The following FCHSD2 variants were observed in gnomAD, a reference collection of about 807,000 sequenced individuals.
FCHSD2 encodes the protein FCH and double SH3 domains 2.
Under a neutral mutation model 108.1 loss-of-function variants are expected in FCHSD2, and 38 were observed. That is an observed-to-expected ratio of 0.35 (90% confidence interval 0.27 to 0.46). The LOEUF (loss-of-function observed/expected upper bound fraction) is 0.46. Among genes scored for constraint, FCHSD2 ranks in the 20% least tolerant of loss-of-function variants. The pLI, the probability that FCHSD2 is intolerant of heterozygous loss-of-function variation, is 1.00. For missense variants in FCHSD2, 751 were observed against 897.8 expected, an observed-to-expected ratio of 0.84 and a Z score of 2.09; for synonymous variants, 279 against 314.7, an observed-to-expected ratio of 0.89 and a Z score of 1.20.
chr11:73,061,123 A>G (rs1234444336), intron 3 of FCHSD2, among the ~76,000 whole-genome samples: 1 of 152,194 alleles, frequency 6.6e-6, no homozygotes. Context: ...GGTTCATCTC[A>G]TTGGGACTGG....
chr11:73,096,987 A>ATTTTTTTTTTTGTTTTTTTT (rs1860097694), intron 2 of FCHSD2, among the ~76,000 whole-genome samples: 1 of 27,020 alleles, frequency 3.7e-5, no homozygotes, highest in Non-Finnish European at 5.6e-5. Flanking sequence ...TCATTGATGG[A>ATTTTTTTTTTTGTTTTTTTT]TTTTTTTTTT....
chr11:73,009,342 C>A (rs1857810752), intron 4 of FCHSD2, among the ~76,000 whole-genome samples: 2 of 151,800 alleles, frequency 1.3e-5, no homozygotes, highest in South Asian at 4.2e-4. Flanking sequence ...ACTAAAAATA[C>A]AAAAATTAGC....
intron 8 of FCHSD2, among the ~76,000 whole-genome samples, chr11:72,960,027 T>C (rs1458055165): frequency 6.6e-6 from 1 of 152,170 alleles, no homozygotes; most frequent in Non-Finnish European, 1.5e-5. Flanking sequence ...TAATCTGTTC[T>C]GCACTGCTGT....
At position 72,889,860 on chromosome 11, in the gene FCHSD2, C is replaced by T. The variant is rs757793948; in HGVS notation, c.1010G>A (p.Arg337His). 1.4e-5 allele frequency: 22 copies of T among 1,611,444 alleles called. No individual in the cohort carries two copies. The highest frequency in any genetic ancestry group is 2.2e-5 in the South Asian group (2 of 90,996). ...TTGGTGAACAATGTTTTTATGCTCA[C>T]GTGCCACACGTGTGGCCCATTTTCG... The part of the protein sequence containing the change: ...EARKWATRVA[R>H]EHKNIVHQQR... Residue 337 changes from arginine (R) to histidine (H), a missense_variant, in exon 11 of 20, where the codon CGT becomes CAT. Physicochemically the swap from Arg to His is conservative, Grantham distance 29. Coordinates refer to ENST00000409418, the MANE Select transcript of FCHSD2 (RefSeq NM_014824.3).
rs538329554 is a variant in FCHSD2, at chr11:72,986,400, G to A, written c.522-1284C>T. Among the ~76,000 whole-genome samples, 44 of 152,078 alleles carry A rather than the reference G, an allele frequency of 2.9e-4. No homozygotes were observed. The East Asian group carries it at 8.5e-3, about 29-fold the overall frequency. The stretch of plus-strand genomic sequence containing the variant: ...AATTTTTTGTATTTTTAGTAGAGAC[G>A]GGGTTTCACCATGTTAGCCAGGATG... On this transcript the variant is annotated intron_variant, in intron 6 of 19. Coordinates refer to ENST00000409418, the MANE Select transcript of FCHSD2 (RefSeq NM_014824.3).
At position 72,850,545 on chromosome 11, in the gene FCHSD2, G is replaced by C. The variant is rs186854312; in HGVS notation, c.1309-656C>G. On this transcript the variant is annotated intron_variant, in intron 13 of 19. Transcript: ENST00000409418. The stretch of plus-strand genomic sequence containing the variant: ...ATTTTTTGTATTTTTAGTAGAGATG[G>C]GGTTTCACTGTGTTAGCCACGATGG... Among the ~76,000 whole-genome samples the C allele has an allele frequency of 2.4e-4, 37 of 151,438 alleles. 1 individual carries two copies. The highest frequency in any genetic ancestry group is 6.9e-3 in the Middle Eastern group (2 of 288).
At chr11:72,887,769 T>C (rs978872759) in intron 11 of FCHSD2, among the ~76,000 whole-genome samples, 195 bp from the exon 12 acceptor site, 1 of 152,148 alleles carries the variant, frequency 6.6e-6, no homozygotes, top group African/African-American at 2.4e-5. Context: ...GTCCCTTCAG[T>C]GGGGAAGCCA....
intron 2 of FCHSD2, among the ~76,000 whole-genome samples, chr11:73,129,884 T>C (rs561881772): frequency 2.7e-5 from 4 of 149,380 alleles, no homozygotes; most frequent in Non-Finnish European, 4.5e-5. Flanking sequence ...TTTTTTTTTT[T>C]TTTTTTTTGA....
intron 8 of FCHSD2, among the ~76,000 whole-genome samples, chr11:72,968,963 T>C (rs751811596): frequency 1.2e-4 from 18 of 152,384 alleles, no homozygotes; most frequent in Non-Finnish European, 2.2e-4. Flanking sequence ...TATTAAGGCT[T>C]TGTCCAGTGA....
chr11:72,909,325 G>A (rs911634922), intron 9 of FCHSD2, among the ~76,000 whole-genome samples: 27 of 152,092 alleles, frequency 1.8e-4, no homozygotes, highest in Non-Finnish European at 3.5e-4. Context: ...ATGGAGTCTC[G>A]CTCACTCAAT....
At chr11:73,027,345 GC>G in intron 3 of FCHSD2, among the ~76,000 whole-genome samples, 1 of 152,168 alleles carries the variant, frequency 6.6e-6, no homozygotes, top group Non-Finnish European at 1.5e-5. Context: ...GCAGCATTTT[GC>G]CCCTGCCCTA....
intron 8 of FCHSD2, among the ~76,000 whole-genome samples, chr11:72,964,649 C>T (rs1856871419): frequency 6.6e-6 from 1 of 152,138 alleles, no homozygotes; most frequent in Non-Finnish European, 1.5e-5. Flanking sequence ...CGTTAACTTC[C>T]GAATCTACCT....
At chr11:72,877,719 A>G (rs1021269597) in intron 12 of FCHSD2, among the ~76,000 whole-genome samples, 1 of 152,232 alleles carries the variant, frequency 6.6e-6, no homozygotes, top group South Asian at 2.1e-4. Context: ...TATAATATAC[A>G]AAGCAGGCTG....
intron 2 of FCHSD2, among the ~76,000 whole-genome samples, chr11:73,118,464 C>T (rs763981374): frequency 1.3e-5 from 2 of 152,158 alleles, no homozygotes; most frequent in Admixed American, 6.5e-5. Flanking sequence ...TTAGTTCTGC[C>T]TGTTTTAGAA....
Position 72,849,841 on chromosome 11 carries a change from T to G in FCHSD2, c.1357A>C (p.Met453Leu). The change falls in exon 14 of 20, where the codon ATG (methionine) becomes CTG (leucine). Residue 453 changes from methionine to leucine, a missense_variant. Met to Leu is a conservative substitution (Grantham distance 15, BLOSUM62 2). Transcript: ENST00000409418. Reference protein sequence around the residue: ...REEGEEFEDNMDVFDDSSSSP... With the variant: ...REEGEEFEDNLDVFDDSSSSP... ...GAACTGCTGTCATCGAAAACATCCA[T>G]GTTATCTTCAAACTCTTCGCCTTCT... 6.2e-7 allele frequency: 1 copy of G among 1,613,190 alleles called. No individual in the cohort carries two copies. The highest frequency in any genetic ancestry group is 8.5e-7 in the Non-Finnish European group (1 of 1,179,148).
At chr11:72,843,757 GA>G in intron 14 of FCHSD2, 1 of 531,208 alleles carries the variant, frequency 1.9e-6, no homozygotes, top group South Asian at 2.6e-5. Context: ...GAATCCTCAA[GA>G]GGCAATGACG....
chr11:72,998,298 T>C (rs969718652), intron 5 of FCHSD2, among the ~76,000 whole-genome samples: 3 of 152,094 alleles, frequency 2.0e-5, no homozygotes, highest in Non-Finnish European at 4.4e-5. Flanking sequence ...CCCGCACTTT[T>C]GGAGGCTGAG....
At chr11:73,097,573 A>G (rs1860117962) in intron 2 of FCHSD2, among the ~76,000 whole-genome samples, 1 of 147,328 alleles carries the variant, frequency 6.8e-6, no homozygotes, top group Admixed American at 6.7e-5. Flanking sequence ...GGTAGAATTC[A>G]CTAGTGGAAC....
At position 73,000,976 on chromosome 11, in the gene FCHSD2, A is replaced by C. The variant is rs1281999864; in HGVS notation, c.387+14T>G. 6.3e-7 allele frequency: 1 copy of C among 1,592,370 alleles called. No homozygotes were observed. Among genetic ancestry groups the C allele is most frequent in the Non-Finnish European group, 8.6e-7 (1 of 1,168,124 alleles). On this transcript the variant is annotated intron_variant, in intron 5 of 19. Coordinates refer to ENST00000409418, the MANE Select transcript of FCHSD2 (RefSeq NM_014824.3). ...ATATTAAAATGCATATAAGAACAGA[A>C]ATAAAAACAATACCCTTTTTAGTTG...
Sources: gnomAD v4.1 joint callset for allele counts (sites outside exome capture counted in the v4.1 genomes callset) on GRCh38, gnomAD v4.1.1 for gene constraint, MANE v1.5 for transcripts, NCBI Gene and HGNC (gene_info 2026-07-23, HGNC 2026-07-21) for gene names.